The following GABRG1 variants were observed in gnomAD, a reference collection of about 807,000 sequenced individuals.
GABRG1 encodes gamma-aminobutyric acid type A receptor subunit gamma1.
Under a neutral mutation model 49.8 loss-of-function variants are expected in GABRG1, and 49 were observed. The observed-to-expected ratio is 0.98, with a 90% CI of 0.78 to 1.25. GABRG1 has a LOEUF of 1.25. Ranked by LOEUF, GABRG1 falls within the 50% of genes most tolerant of loss-of-function variation. GABRG1 has a pLI of 0.00. For missense variants in GABRG1, 552 were observed against 552.3 expected, an observed-to-expected ratio of 1.00 and a Z score of 0.01; for synonymous variants, 232 against 185.1, an observed-to-expected ratio of 1.25 and a Z score of -2.06.
rs1030912413 is a variant in GABRG1 at position 46,040,319 on chromosome 4, T to C, written c.*669A>G. 9 of 152,134 alleles carry C rather than the reference T, an allele frequency of 5.9e-5. No homozygotes were observed. The highest frequency in any genetic ancestry group is 1.5e-5 in the Non-Finnish European group (1 of 67,878). 9.4% of individuals were successfully genotyped at this position (152,134 alleles called of 1,614,324 possible). On this transcript the variant is annotated 3_prime_UTR_variant, in exon 9 of 9. Transcript: ENST00000295452. ...AATGACTGGTGGCTTCATTCCAAGT[T>C]TGCAAATCACCAAAGTAAATGCAAC...
In GABRG1 at chr4:46,049,293, A is replaced by G. The variant is rs373082849; in HGVS notation, c.1131+2131T>C. On this transcript the variant is annotated intron_variant, in intron 8 of 8. Transcript: ENST00000295452. ...AAACAGAGTTGCCTGTTCCTCATAA[A>G]AGTACATTCTGATTTACCTGATTAG... Among the ~76,000 whole-genome samples, 314 of 151,998 alleles carry G rather than the reference A, an allele frequency of 2.1e-3. 1 individual carries two copies. Among genetic ancestry groups the G allele is most frequent in the African/African-American group, 7.2e-3 (300 of 41,530 alleles).
At chr4:46,065,220 T>A in intron 4 of GABRG1, 144 bp downstream of exon 4, 1 of 573,030 alleles carries the variant, frequency 1.7e-6, no homozygotes, top group Non-Finnish European at 3.0e-6. Context: ...ATTGCCAAAG[T>A]ATTTCACCAT....
chr4:46,099,008 A>G lies in GABRG1; in HGVS notation c.105-1659T>C, dbSNP rs578037406. On this transcript the variant is annotated intron_variant, in intron 1 of 8. Coordinates refer to ENST00000295452, the MANE Select transcript of GABRG1 (RefSeq NM_173536.4). ...TTATGAGATTTTAACATCATAAATT[A>G]AAATTTTACTTTCAAAGAATTTACT... 2.0e-5 allele frequency among the ~76,000 whole-genome samples: 3 copies of G among 151,864 alleles called. 1 individual carries two copies. Among genetic ancestry groups the G allele is most frequent in the African/African-American group, 7.2e-5 (3 of 41,502 alleles).
intron 7 of GABRG1, among the ~76,000 whole-genome samples, chr4:46,055,018 T>A (rs1718378248): frequency 1.1e-5 from 1 of 92,646 alleles, no homozygotes; most frequent in Non-Finnish European, 2.1e-5. Context: ...AACCTAGGCA[T>A]TACCATTCAG....
chr4:46,057,707 T>A (rs572720208), intron 7 of GABRG1, among the ~76,000 whole-genome samples: 3 of 152,242 alleles, frequency 2.0e-5, no homozygotes, highest in African/African-American at 2.4e-5. Flanking sequence ...ATTTTATACA[T>A]GACAGAAGCC....
intron 1 of GABRG1, among the ~76,000 whole-genome samples, chr4:46,123,328 T>C (rs1721152077): frequency 6.6e-6 from 1 of 152,136 alleles, no homozygotes; most frequent in Non-Finnish European, 1.5e-5. Context: ...TGTAAAACAC[T>C]GGTTTGTTCC....
At chr4:46,100,006 T>C (rs1195738097) in intron 1 of GABRG1, among the ~76,000 whole-genome samples, 2 of 151,744 alleles carry the variant, frequency 1.3e-5, no homozygotes, top group Admixed American at 6.6e-5. Context: ...CTTCTAAGGA[T>C]GCATTATTTT....
intron 5 of GABRG1, 133 bp from the exon 6 acceptor site, chr4:46,058,755 G>C (rs768029775): frequency 1.1e-5 from 7 of 650,666 alleles, no homozygotes; most frequent in Non-Finnish European, 1.3e-5. Flanking sequence ...TAGAATATTT[G>C]AATACAATAA....
chr4:46,116,697 G>C (rs1720898134), intron 1 of GABRG1, among the ~76,000 whole-genome samples: 1 of 150,740 alleles, frequency 6.6e-6, no homozygotes, highest in African/African-American at 2.4e-5. Context: ...TAAGTGAATA[G>C]AAAAAGCAAA....
chr4:46,044,790 T>G (rs779892314), intron 8 of GABRG1, among the ~76,000 whole-genome samples: 1 of 152,096 alleles, frequency 6.6e-6, no homozygotes, highest in Non-Finnish European at 1.5e-5. Flanking sequence ...CTACTGTGCA[T>G]GTAGAGAGTA....
chr4:46,065,720 A>G lies in GABRG1; in HGVS notation c.322-136T>C, dbSNP rs148174446. Reference sequence around the variant, plus strand: ...AGTCTTTTCGGAGGAAAAAAATGCCATTATTTTAAACTTTTTTTTTGAGAC... The same window carrying G: ...AGTCTTTTCGGAGGAAAAAAATGCCGTTATTTTAAACTTTTTTTTTGAGAC... On this transcript the variant is annotated intron_variant, in intron 3 of 8. Coordinates refer to ENST00000295452, the MANE Select transcript of GABRG1 (RefSeq NM_173536.4). 4.6e-5 allele frequency: 27 copies of G among 591,614 alleles called. No homozygotes were observed. The African/African-American group carries it at 5.1e-4, about 11-fold the overall frequency. The allele number at this position is 591,614 out of a possible 1,614,324, so 36.6% of individuals were successfully genotyped here. A position where few individuals can be genotyped will look rare whatever the true frequency, so the allele number is the denominator to read the frequency against.
At chr4:46,097,118 G>T in intron 2 of GABRG1, 83 bp downstream of exon 2, 2 of 1,203,454 alleles carry the variant, frequency 1.7e-6, no homozygotes, top group Non-Finnish European at 2.3e-6. Flanking sequence ...GACACTCAAG[G>T]AATAAGAAAT....
chr4:46,118,613 T>C (rs1721005025), intron 1 of GABRG1, among the ~76,000 whole-genome samples: 2 of 151,120 alleles, frequency 1.3e-5, no homozygotes, highest in Admixed American at 1.3e-4. Context: ...TTATTTACCA[T>C]TATTACCATT....
At chr4:46,057,434 C>T (rs996689183) in intron 7 of GABRG1, among the ~76,000 whole-genome samples, 2 of 152,060 alleles carry the variant, frequency 1.3e-5, no homozygotes, top group Admixed American at 6.6e-5. Context: ...ATTCATGTGT[C>T]TTTCACTGAT....
rs763467957 is a variant in GABRG1 at position 46,065,537 on chromosome 4, A to G, written c.369T>C (p.Arg123=). 3.7e-6 allele frequency: 6 copies of G among 1,607,762 alleles called. No individual in the cohort carries two copies. ...IIFAQTWFDS[R]LKFNSTMKVL... ...CTTTCATGGTACTATTGAATTTTAA[A>G]CGACTGTCAAACCAGGTTTGGGCAA... Residue 123 remains arginine, a synonymous_variant, in exon 4 of 9, where the codon CGT becomes CGC. Transcript: ENST00000295452.
chr4:46,089,732 G>A (rs1719912335), intron 2 of GABRG1, among the ~76,000 whole-genome samples: 1 of 152,050 alleles, frequency 6.6e-6, no homozygotes, highest in South Asian at 2.1e-4. Flanking sequence ...GGAGGCTGGG[G>A]CAGGCAGATC....
At chr4:46,066,515 C>G (rs558380930) in intron 3 of GABRG1, among the ~76,000 whole-genome samples, 74 of 152,248 alleles carry the variant, frequency 4.9e-4, no homozygotes, top group Middle Eastern at 3.4e-3. Flanking sequence ...TAATTCTTCT[C>G]ACATCACAGA....
intron 2 of GABRG1, among the ~76,000 whole-genome samples, chr4:46,089,511 C>T (rs1036681539): frequency 6.6e-6 from 1 of 152,110 alleles, no homozygotes; most frequent in Admixed American, 6.6e-5. Flanking sequence ...TTACCATCCT[C>T]TTACCCCCAC....
intron 1 of GABRG1, among the ~76,000 whole-genome samples, chr4:46,099,645 C>T (rs1304547652): frequency 6.6e-6 from 1 of 151,662 alleles, no homozygotes; most frequent in Non-Finnish European, 1.5e-5. Context: ...ACCACCAACA[C>T]CTTAGTTAAA....
Sources: gnomAD v4.1 joint callset for allele counts (sites outside exome capture counted in the v4.1 genomes callset) on GRCh38, gnomAD v4.1.1 for gene constraint, MANE v1.5 for transcripts, NCBI Gene and HGNC (gene_info 2026-07-23, HGNC 2026-07-21) for gene names.